ARHGAP6: variants seen among roughly 807,000 people sequenced by gnomAD.
ARHGAP6 encodes Rho GTPase activating protein 6, also known as rho GTPase-activating protein 6.
Under a neutral mutation model 55.7 loss-of-function variants are expected in ARHGAP6, and 16 were observed. That is an observed-to-expected ratio of 0.29 (90% CI 0.19 to 0.44). The LOEUF is 0.44. Among genes scored for constraint, ARHGAP6 ranks in the 20% least tolerant of loss-of-function variants. The pLI, the probability that ARHGAP6 is intolerant of heterozygous loss-of-function variation, is 1.00. For synonymous variants in ARHGAP6, 382 were observed against 360.9 expected, an observed-to-expected ratio of 1.06 and a Z score of -0.66; for missense variants, 698 against 808.9, an observed-to-expected ratio of 0.86 and a Z score of 1.66.
chrX:11,538,060 T>C (rs1187240929), intron 1 of ARHGAP6, among the ~76,000 whole-genome samples: 1 of 111,790 alleles, frequency 8.9e-6, no homozygotes, highest in Non-Finnish European at 1.9e-5. Flanking sequence ...CTTTGTGACA[T>C]AAAAAGGCTT....
At chrX:11,230,486 G>A (rs1028559886) in intron 2 of ARHGAP6, among the ~76,000 whole-genome samples, 4 of 111,198 alleles carry the variant, frequency 3.6e-5, no homozygotes, top group African/African-American at 9.8e-5. Context: ...ATGAGCCACC[G>A]CGCCCGGCCA....
In ARHGAP6 at chrX:11,665,795, C is replaced by G. The variant is rs947358540; in HGVS notation, c.-967G>C. ...AGGACGTGTAGAGCTGGAGGAATGC[C>G]GGGGCTGGAGCTGGGGCGGAGCCAG... On this transcript the variant is annotated 5_prime_UTR_variant, in exon 1 of 13. Transcript: ENST00000337414. The G allele has an allele frequency of 1.8e-5, 2 of 113,280 alleles. No individual in the cohort carries two copies. The highest frequency in any genetic ancestry group is 6.4e-5 in the African/African-American group (2 of 31,091). 9.3% of individuals were successfully genotyped at this position (113,280 alleles called of 1,213,427 possible). A position where few individuals can be genotyped will look rare whatever the true frequency, so the allele number is the denominator to read the frequency against.
chrX:11,546,434 A>AT (rs747116142), intron 1 of ARHGAP6, among the ~76,000 whole-genome samples: 51 of 112,013 alleles, frequency 4.6e-4, no homozygotes, highest in Middle Eastern at 4.6e-3. Flanking sequence ...TCTTTCCCAA[A>AT]TTCCATCAGA....
intron 10 of ARHGAP6, among the ~76,000 whole-genome samples, chrX:11,151,361 C>T (rs2045774239): frequency 2.7e-5 from 3 of 109,380 alleles, no homozygotes; most frequent in Admixed American, 9.7e-5. Flanking sequence ...AAACCCCGGG[C>T]TCAGGTGATC....
At chrX:11,558,330 G>C (rs1279043320) in intron 1 of ARHGAP6, among the ~76,000 whole-genome samples, 1 of 111,704 alleles carries the variant, frequency 9.0e-6, no homozygotes, top group Admixed American at 9.5e-5. Context: ...ATTGTCAACA[G>C]GCATTTGAAC....
chrX:11,161,049 C>T (rs1021600535), intron 9 of ARHGAP6, among the ~76,000 whole-genome samples: 9 of 112,015 alleles, frequency 8.0e-5, no homozygotes, highest in African/African-American at 2.9e-4. Context: ...TGTGATTAAA[C>T]CACATTCTAA....
At chrX:11,593,603 T>C (rs2051865845) in intron 1 of ARHGAP6, among the ~76,000 whole-genome samples, 2 of 112,058 alleles carry the variant, frequency 1.8e-5, no homozygotes, top group Admixed American at 1.9e-4. Context: ...TAAAGATATG[T>C]CAGTGTAGGT....
At chrX:11,445,591 T>C (rs2050084778) in intron 1 of ARHGAP6, among the ~76,000 whole-genome samples, 1 of 112,276 alleles carries the variant, frequency 8.9e-6, no homozygotes. Flanking sequence ...CAATGCTTTT[T>C]AGAATATCAG....
chrX:11,578,880 G>A, intron 1 of ARHGAP6, among the ~76,000 whole-genome samples: 1 of 110,977 alleles, frequency 9.0e-6, no homozygotes, highest in Middle Eastern at 4.7e-3. Flanking sequence ...GTCCTTTGTA[G>A]GGACATGGAT....
At chrX:11,361,728 T>G (rs1229443319) in intron 1 of ARHGAP6, among the ~76,000 whole-genome samples, 1 of 110,955 alleles carries the variant, frequency 9.0e-6, no homozygotes, top group Non-Finnish European at 1.9e-5. Context: ...ACCTACAAAA[T>G]AGGAGAAAAT....
At chrX:11,399,455 A>G (rs2049521453) in intron 1 of ARHGAP6, among the ~76,000 whole-genome samples, 1 of 111,201 alleles carries the variant, frequency 9.0e-6, no homozygotes, top group South Asian at 3.8e-4. Context: ...GGTGAGACTA[A>G]TTTGGGATGT....
At chrX:11,381,585 C>T (rs1318460312) in intron 1 of ARHGAP6, among the ~76,000 whole-genome samples, 1 of 111,601 alleles carries the variant, frequency 9.0e-6, no homozygotes, top group African/African-American at 3.3e-5. Flanking sequence ...GCTGTATTTA[C>T]ATATCTCGTA....
chrX:11,394,364 T>C (rs534042625), intron 1 of ARHGAP6, among the ~76,000 whole-genome samples: 22 of 111,363 alleles, frequency 2.0e-4, no homozygotes, highest in East Asian at 8.5e-4. Flanking sequence ...GATTAGTGGG[T>C]ACCTGGGGCT....
chrX:11,639,766 C>T (rs1408461179), intron 1 of ARHGAP6, among the ~76,000 whole-genome samples: 2 of 110,112 alleles, frequency 1.8e-5, no homozygotes, highest in African/African-American at 6.6e-5. Flanking sequence ...TTGAAAGGGA[C>T]AGAGACATGG....
chrX:11,246,028 T>C (rs2047347710), intron 2 of ARHGAP6, among the ~76,000 whole-genome samples: 1 of 111,765 alleles, frequency 8.9e-6, no homozygotes, highest in African/African-American at 3.3e-5. Flanking sequence ...GTAGCCACTG[T>C]GGTTGAAGTT....
chrX:11,140,277 G>A (rs1276189972), intron 12 of ARHGAP6, among the ~76,000 whole-genome samples: 7 of 108,942 alleles, frequency 6.4e-5, no homozygotes, highest in African/African-American at 2.3e-4. Flanking sequence ...AATTAGCCAG[G>A]TGTGGTGGTG....
intron 8 of ARHGAP6, among the ~76,000 whole-genome samples, chrX:11,174,627 C>CT (rs1247561711): frequency 7.8e-3 from 83 of 10,649 alleles, no homozygotes; most frequent in East Asian, 0.018. Context: ...TCTTTCTTTT[C>CT]TTTCTTTCTT....
chrX:11,539,012 G>A (rs904080463), intron 1 of ARHGAP6, among the ~76,000 whole-genome samples: 20 of 110,389 alleles, frequency 1.8e-4, no homozygotes, highest in Admixed American at 4.9e-4. Context: ...GTGCCACCAC[G>A]CGTGGCTAAT....
intron 1 of ARHGAP6, among the ~76,000 whole-genome samples, chrX:11,614,438 G>A (rs1247867462): frequency 9.0e-6 from 1 of 111,627 alleles, no homozygotes; most frequent in Non-Finnish European, 1.9e-5. Flanking sequence ...TACATGGCTA[G>A]AGCAGGAGAG....
Sources: gnomAD v4.1 joint callset for allele counts (sites outside exome capture counted in the v4.1 genomes callset) on GRCh38, gnomAD v4.1.1 for gene constraint, MANE v1.5 for transcripts, NCBI Gene and HGNC (gene_info 2026-07-23, HGNC 2026-07-21) for gene names.